The following SEMA3E variants were observed in gnomAD, a reference collection of about 807,000 sequenced individuals.
SEMA3E encodes the protein semaphorin-3E.
In SEMA3E, 49 loss-of-function variants were observed where a neutral mutation model predicts 93.6. That is an observed-to-expected ratio of 0.52 (90% CI 0.42 to 0.66). SEMA3E has a LOEUF of 0.66. Among genes scored for constraint, SEMA3E ranks in the 30% least tolerant of loss-of-function variants. The pLI, the probability that SEMA3E is intolerant of heterozygous loss-of-function variation, is 0.00. For missense variants in SEMA3E, 906 were observed against 964.8 expected, an observed-to-expected ratio of 0.94 and a Z score of 0.81; for synonymous variants, 363 against 330.7, an observed-to-expected ratio of 1.10 and a Z score of -1.06.
intron 11 of SEMA3E, among the ~76,000 whole-genome samples, chr7:83,397,945 A>G (rs1788156733): frequency 6.6e-6 from 1 of 152,234 alleles, no homozygotes; most frequent in Non-Finnish European, 1.5e-5. Context: ...TGACAATTAT[A>G]TCAGGCAAAA....
intron 4 of SEMA3E, among the ~76,000 whole-genome samples, chr7:83,459,768 A>T (rs530175432): frequency 6.6e-6 from 1 of 152,302 alleles, no homozygotes; most frequent in African/African-American, 2.4e-5. Flanking sequence ...AAAGAAGTGA[A>T]TATGCCCTGC....
At chr7:83,565,195 C>T (rs1000195215) in intron 1 of SEMA3E, among the ~76,000 whole-genome samples, 1 of 152,074 alleles carries the variant, frequency 6.6e-6, no homozygotes, top group Admixed American at 6.5e-5. Flanking sequence ...ACATATACAC[C>T]ATGGAATACT....
chr7:83,425,011 G>T, intron 4 of SEMA3E: 1 of 211,740 alleles, frequency 4.7e-6, no homozygotes, highest in Non-Finnish European at 1.0e-5. Context: ...CTTGAAGGAG[G>T]GTGGATGTGA....
chr7:83,390,182 CATAT>C lies in SEMA3E; in HGVS notation c.1667+2369_1667+2372del, dbSNP rs1562758704. Among the ~76,000 whole-genome samples the C allele has an allele frequency of 6.8e-3, 63 of 9,254 alleles. 18 individuals are homozygous for C. The highest frequency in any genetic ancestry group is 0.012 in the African/African-American group (39 of 3,122). The allele number at this position is 9,254 out of a possible 152,430, so 6.1% of individuals were successfully genotyped here. ...ACATATATGCGCGTATACGTGTGCA[CATAT>C]ATGCGCGTATACGTGTGCACATATA... On this transcript the variant is annotated intron_variant, in intron 14 of 16. Coordinates refer to ENST00000643230, the MANE Select transcript of SEMA3E (RefSeq NM_012431.3).
At chr7:83,600,351 G>A (rs1344667961) in intron 1 of SEMA3E, among the ~76,000 whole-genome samples, 1 of 149,574 alleles carries the variant, frequency 6.7e-6, no homozygotes, top group African/African-American at 2.5e-5. Flanking sequence ...GCGGAGTCTC[G>A]CTCTGTCACC....
chr7:83,536,528 A>G (rs1476796074), intron 1 of SEMA3E, among the ~76,000 whole-genome samples: 1 of 152,134 alleles, frequency 6.6e-6, no homozygotes, highest in African/African-American at 2.4e-5. Context: ...GTCTACCTAA[A>G]GCAAAACAAG....
chr7:83,641,274 A>G (rs1239275419), intron 1 of SEMA3E: 2 of 422,616 alleles, frequency 4.7e-6, no homozygotes, highest in Non-Finnish European at 6.3e-6. Flanking sequence ...TCACTTGATG[A>G]GCACTTGTTG....
At chr7:83,486,170 A>G (rs1377676217) in intron 2 of SEMA3E, among the ~76,000 whole-genome samples, 1 of 152,080 alleles carries the variant, frequency 6.6e-6, no homozygotes. Flanking sequence ...GGCATGTATC[A>G]TATGTTTGTC....
At chr7:83,599,415 T>A (rs181158774) in intron 1 of SEMA3E, among the ~76,000 whole-genome samples, 56 of 152,306 alleles carry the variant, frequency 3.7e-4, no homozygotes, top group Admixed American at 2.9e-3. Flanking sequence ...TTTAATCTCA[T>A]GGATGCCAAA....
At chr7:83,638,344 A>C (rs372418982) in intron 1 of SEMA3E, among the ~76,000 whole-genome samples, 3 of 152,292 alleles carry the variant, frequency 2.0e-5, no homozygotes, top group African/African-American at 7.2e-5. Context: ...AAAGGGGATG[A>C]AGTGGTAAGC....
At chr7:83,389,385 A>G (rs1321406852) in intron 14 of SEMA3E, among the ~76,000 whole-genome samples, 2 of 149,604 alleles carry the variant, frequency 1.3e-5, no homozygotes, top group African/African-American at 4.8e-5. Flanking sequence ...TTGTATAAAG[A>G]TTATTATACA....
At chr7:83,524,739 G>A (rs1294524709) in intron 1 of SEMA3E, among the ~76,000 whole-genome samples, 1 of 151,946 alleles carries the variant, frequency 6.6e-6, no homozygotes, top group East Asian at 1.9e-4. Context: ...AGTTTTCTAA[G>A]TTTAAATTAG....
At chr7:83,562,318 A>T (rs1792044838) in intron 1 of SEMA3E, among the ~76,000 whole-genome samples, 2 of 151,974 alleles carry the variant, frequency 1.3e-5, no homozygotes. Flanking sequence ...TCCAAAACTG[A>T]CTATAAACTG....
At chr7:83,369,887 C>T (rs756332928) in intron 16 of SEMA3E, among the ~76,000 whole-genome samples, 3 of 152,128 alleles carry the variant, frequency 2.0e-5, no homozygotes, top group Non-Finnish European at 4.4e-5. Context: ...ATGACCACCC[C>T]GTGCCTCACA....
chr7:83,368,066 T>C, intron 16 of SEMA3E, 28 bp from the exon 17 acceptor site: 1 of 1,589,756 alleles, frequency 6.3e-7, no homozygotes, highest in Non-Finnish European at 8.6e-7. Context: ...TAAATGGCAC[T>C]GAAGTACACA....
intron 1 of SEMA3E, among the ~76,000 whole-genome samples, chr7:83,633,012 C>T (rs1465814196): frequency 6.6e-6 from 1 of 151,994 alleles, no homozygotes; most frequent in Non-Finnish European, 1.5e-5. Flanking sequence ...TAAAATTATA[C>T]AATTTTCCTA....
At chr7:83,619,564 G>T (rs1338630547) in intron 1 of SEMA3E, among the ~76,000 whole-genome samples, 4 of 151,778 alleles carry the variant, frequency 2.6e-5, no homozygotes, top group South Asian at 2.1e-4. Flanking sequence ...TGAAGAAAAT[G>T]TTGGTGGTGT....
At chr7:83,560,121 T>C (rs1175269482) in intron 1 of SEMA3E, among the ~76,000 whole-genome samples, 1 of 152,076 alleles carries the variant, frequency 6.6e-6, no homozygotes, top group African/African-American at 2.4e-5. Flanking sequence ...GAAAATACTC[T>C]ATATGACACT....
chr7:83,618,297 C>T (rs141647850), intron 1 of SEMA3E, among the ~76,000 whole-genome samples: 268 of 152,164 alleles, frequency 1.8e-3, no homozygotes, highest in African/African-American at 6.0e-3. Flanking sequence ...ATTAGAACAG[C>T]TGAGGTTTAA....
Sources: gnomAD v4.1 joint callset for allele counts (sites outside exome capture counted in the v4.1 genomes callset) on GRCh38, gnomAD v4.1.1 for gene constraint, MANE v1.5 for transcripts, NCBI Gene and HGNC (gene_info 2026-07-23, HGNC 2026-07-21) for gene names.